PITPNM2: variants seen among roughly 807,000 people sequenced by gnomAD.
PITPNM2 encodes phosphatidylinositol transfer protein membrane associated 2, also known as membrane-associated phosphatidylinositol transfer protein 2.
A neutral mutation model predicts 132.2 loss-of-function variants in PITPNM2; 35 were observed. The ratio of observed to expected loss-of-function variants is 0.26; its 90% CI spans 0.20 to 0.35. PITPNM2 has a LOEUF of 0.35. Ranked by LOEUF, PITPNM2 falls within the 10% of genes least tolerant of loss-of-function variation. The pLI, the probability that PITPNM2 is intolerant of heterozygous loss-of-function variation, is 1.00. For synonymous variants in PITPNM2, 738 were observed against 799.2 expected, an observed-to-expected ratio of 0.92 and a Z score of 1.29; for missense variants, 1,332 against 1,912.0, an observed-to-expected ratio of 0.70 and a Z score of 5.66.
intron 1 of PITPNM2, among the ~76,000 whole-genome samples, chr12:123,115,558 C>T (rs1166126208): frequency 6.6e-6 from 1 of 152,034 alleles, no homozygotes; most frequent in Non-Finnish European, 1.5e-5. Context: ...CACACGCACA[C>T]ACACACATGC....
intron 3 of PITPNM2, among the ~76,000 whole-genome samples, chr12:123,025,978 C>A (rs960390902): frequency 6.6e-6 from 1 of 152,216 alleles, no homozygotes; most frequent in Non-Finnish European, 1.5e-5. Context: ...AATGGCAGAG[C>A]CAGGCCTTGA....
At chr12:123,093,815 T>G (rs1157409010) in intron 2 of PITPNM2, among the ~76,000 whole-genome samples, 1 of 152,196 alleles carries the variant, frequency 6.6e-6, no homozygotes, top group Non-Finnish European at 1.5e-5. Flanking sequence ...AACATTCAGT[T>G]GGTTTGTGAA....
chr12:123,000,782 A>G lies in PITPNM2; in HGVS notation c.1220T>C (p.Ile407Thr), dbSNP rs747132896. Reference sequence around the variant, plus strand: ...CTCTGACACCCGGGCACCCACCTCTATGATGTTCAGCTGCTCCACACTGGA... The same window carrying G: ...CTCTGACACCCGGGCACCCACCTCTGTGATGTTCAGCTGCTCCACACTGGA... The part of the protein sequence containing the change: ...VASSVEQLNI[I>T]EDEVSQPLAA... The change falls in exon 10 of 26, where the codon ATA (isoleucine) becomes ACA (threonine). Residue 407 changes from isoleucine to threonine, a missense_variant. Physicochemically the swap from Ile to Thr is moderately conservative, Grantham distance 89 (BLOSUM62 -1). Transcript: ENST00000320201. The surrounding 1 kb of genome is among the most constrained non-coding windows in gnomAD (Gnocchi z 5.4). 6.2e-6 allele frequency: 10 copies of G among 1,613,768 alleles called. No homozygotes were observed. The Admixed American group carries it at 8.3e-5, about 13-fold the overall frequency.
At position 123,135,946 on chromosome 12, in the gene PITPNM2, C is replaced by T. The variant is rs369879297; in HGVS notation, c.-200+14807G>A. On this transcript the variant is annotated intron_variant, in intron 1 of 25. Transcript: ENST00000320201. ...CTTTACCCATTCATCAGTTGATGGA[C>T]ATTTTTTAATTATTTGGTTTTTTAA... Among the ~76,000 whole-genome samples the T allele has an allele frequency of 6.6e-5, 10 of 152,152 alleles. No homozygotes were observed. In the East Asian group the frequency reaches 9.6e-4, roughly 15 times the overall value.
intron 2 of PITPNM2, among the ~76,000 whole-genome samples, chr12:123,045,666 C>T (rs1178255337): frequency 6.6e-6 from 1 of 152,200 alleles, no homozygotes; most frequent in Admixed American, 6.5e-5. Flanking sequence ...TACTCGGGTG[C>T]CTGTTAGTTA....
rs2038225879 is a variant in PITPNM2, at chr12:122,992,332, A to C, written c.2404+167T>G. On this transcript the variant is annotated intron_variant, in intron 16 of 25. Coordinates refer to ENST00000320201, the MANE Select transcript of PITPNM2 (RefSeq NM_020845.3). The surrounding 1 kb of genome is among the most constrained non-coding windows in gnomAD (Gnocchi z 6.5). ...CACAGGGATCAGTGCGGAGGGATGCACCACCCCCACCCCCCACCCCCAACA... is the reference window on the plus strand; with the variant it reads ...CACAGGGATCAGTGCGGAGGGATGCCCCACCCCCACCCCCCACCCCCAACA... Among the ~76,000 whole-genome samples the C allele has an allele frequency of 1.5e-5, 2 of 136,474 alleles. No individual in the cohort carries two copies. The highest frequency in any genetic ancestry group is 1.6e-5 in the Non-Finnish European group (1 of 62,546). The allele number at this position is 136,474 out of a possible 152,430, so 89.5% of individuals were successfully genotyped here.
rs746819057 is a variant in PITPNM2 at position 123,004,482 on chromosome 12, A to G, written c.960T>C (p.Pro320=). ...TCCACTCTGAGATGCTGTGGCGGGAAGGACTCGCTGGAAGGCAAAACCCCA... is the reference window on the plus strand; with the variant it reads ...TCCACTCTGAGATGCTGTGGCGGGAGGGACTCGCTGGAAGGCAAAACCCCA... ...SSRSSKRGAS[P]SRHSISEWRM... The change falls in exon 8 of 26, where the codon CCT becomes CCC. Residue 320 remains proline (P), a synonymous_variant. Transcript: ENST00000320201. This position sits in a 1 kb window ranked among gnomAD's most constrained non-coding sequence, Gnocchi z 4.9. 2.7e-5 allele frequency: 43 copies of G among 1,613,628 alleles called. No individual in the cohort carries two copies. Among genetic ancestry groups the G allele is most frequent in the Non-Finnish European group, 3.5e-5 (41 of 1,180,012 alleles).
chr12:123,132,171 C>T (rs997063161), intron 1 of PITPNM2, among the ~76,000 whole-genome samples: 3 of 152,234 alleles, frequency 2.0e-5, no homozygotes, highest in African/African-American at 7.2e-5. Context: ...TCTTTCCACT[C>T]ACTGAGAGCA....
At chr12:123,019,930 G>A (rs2039601877) in intron 3 of PITPNM2, among the ~76,000 whole-genome samples, 1 of 152,100 alleles carries the variant, frequency 6.6e-6, no homozygotes, top group Non-Finnish European at 1.5e-5. Flanking sequence ...GGCAGGGGTG[G>A]ACAGGACAGA....
rs55749228 is a variant in PITPNM2, at chr12:123,067,987, G to A, written c.-95-33302C>T. Among the ~76,000 whole-genome samples, 107 of 152,278 alleles carry A rather than the reference G, an allele frequency of 7.0e-4. 1 individual carries two copies. Among genetic ancestry groups the A allele is most frequent in the Non-Finnish European group, 1.5e-3 (101 of 68,006 alleles). ...GCCCAATTAGCTCAGGGCATGCGAG[G>A]AGCCAACGGTGAGAAACCCGTCTGC... On this transcript the variant is annotated intron_variant, in intron 2 of 25. Coordinates refer to ENST00000320201, the MANE Select transcript of PITPNM2 (RefSeq NM_020845.3).
intron 2 of PITPNM2, among the ~76,000 whole-genome samples, chr12:123,062,496 C>CG (rs1488843611): frequency 6.6e-6 from 1 of 151,978 alleles, no homozygotes; most frequent in Non-Finnish European, 1.5e-5. Context: ...ATAAGGGGGA[C>CG]GGGGCAGGGG....
intron 2 of PITPNM2, among the ~76,000 whole-genome samples, chr12:123,045,156 A>T (rs2040612607): frequency 6.6e-6 from 1 of 152,280 alleles, no homozygotes; most frequent in Admixed American, 6.5e-5. Context: ...CTCCTCATTC[A>T]CCATCAGCAT....
At chr12:122,997,829 C>T (rs1181905742) in intron 10 of PITPNM2, among the ~76,000 whole-genome samples, 1 of 152,190 alleles carries the variant, frequency 6.6e-6, no homozygotes, top group East Asian at 1.9e-4. Context: ...CAGCCCTGCT[C>T]CTGTCTGCCA....
intron 12 of PITPNM2, 59 bp downstream of exon 12, chr12:122,996,662 C>A: frequency 6.2e-7 from 1 of 1,611,336 alleles, no homozygotes. Context: ...CCCCCTGAGG[C>A]CAGCCCGCCC....
At chr12:122,991,511 G>A (rs1055410874) in intron 16 of PITPNM2, among the ~76,000 whole-genome samples, 1 of 152,184 alleles carries the variant, frequency 6.6e-6, no homozygotes, top group East Asian at 1.9e-4. Context: ...GCCCTGAGAC[G>A]GCCTCTGCTG....
chr12:122,992,580 G>T lies in PITPNM2; in HGVS notation c.2323C>A (p.Arg775=), dbSNP rs200408972. The T allele has an allele frequency of 6.8e-6, 11 of 1,611,564 alleles. No homozygotes were observed. The highest frequency in any genetic ancestry group is 3.6e-4 in the Middle Eastern group (2 of 5,564). The change falls in exon 16 of 26, where the codon CGG becomes AGG. Residue 775 remains arginine, a synonymous_variant. Transcript: ENST00000320201. This position sits in a 1 kb window ranked among gnomAD's most constrained non-coding sequence, Gnocchi z 6.5. ...SASRLEPLLE[R]RFHALPPFSV... Reference sequence around the variant, plus strand: ...AAAGGCGGCAGGGCGTGAAAGCGCCGTTCCAGCAGCGGCTCCAGGCGTGAA... The same window carrying T: ...AAAGGCGGCAGGGCGTGAAAGCGCCTTTCCAGCAGCGGCTCCAGGCGTGAA...
intron 1 of PITPNM2, among the ~76,000 whole-genome samples, chr12:123,116,793 G>A (rs2042944288): frequency 6.6e-6 from 1 of 152,150 alleles, no homozygotes; most frequent in African/African-American, 2.4e-5. Flanking sequence ...GTGATGAGGA[G>A]GGGAACGGAT....
chr12:123,081,588 T>C (rs911619058), intron 2 of PITPNM2: 1 of 152,206 alleles, frequency 6.6e-6, no homozygotes, highest in Admixed American at 6.5e-5. Context: ...CAGACCTGAC[T>C]GCCACCCAGC....
At chr12:123,094,728 C>T (rs2042362054) in intron 2 of PITPNM2, among the ~76,000 whole-genome samples, 1 of 152,198 alleles carries the variant, frequency 6.6e-6, no homozygotes, top group South Asian at 2.1e-4. Context: ...GGGGTCCCTC[C>T]ACCTCCTAGA....
Sources: gnomAD v4.1 joint callset for allele counts (sites outside exome capture counted in the v4.1 genomes callset) on GRCh38, gnomAD v4.1.1 for gene constraint, Gnocchi (gnomAD v3.1) non-coding constraint, MANE v1.5 for transcripts, NCBI Gene and HGNC (gene_info 2026-07-23, HGNC 2026-07-21) for gene names.